NNT: variants seen among roughly 807,000 people sequenced by gnomAD.
NNT encodes the protein NAD(P) transhydrogenase, mitochondrial.
In NNT, 50 loss-of-function variants were observed where a neutral mutation model predicts 104.8. The observed-to-expected ratio is 0.48, with a 90% CI of 0.38 to 0.60. NNT has a LOEUF of 0.60. NNT is among the 20% of genes least tolerant of loss of function. The probability of loss-of-function intolerance (pLI) is 0.00; values close to 1 mark genes in which losing one functional copy is unlikely to be tolerated. For synonymous variants in NNT, 461 were observed against 490.4 expected, an observed-to-expected ratio of 0.94 and a Z score of 0.79; for missense variants, 1,131 against 1,330.7, an observed-to-expected ratio of 0.85 and a Z score of 2.33.
intron 17 of NNT, among the ~76,000 whole-genome samples, chr5:43,660,313 T>TA (rs1561299443): frequency 6.8e-6 from 1 of 148,012 alleles, no homozygotes; most frequent in Non-Finnish European, 1.5e-5. Flanking sequence ...TGATGGTTTT[T>TA]TAAAAGAACA....
chr5:43,631,447 TCTGACCTCTGAGAGG>T (rs1750672311), intron 7 of NNT, among the ~76,000 whole-genome samples: 1 of 152,168 alleles, frequency 6.6e-6, no homozygotes, highest in Admixed American at 6.5e-5. Flanking sequence ...GCAGCCACCA[TCTGACCTCTGAGAGG>T]CAGCTGCGCA....
At chr5:43,619,670 A>G (rs1749968007) in intron 5 of NNT, among the ~76,000 whole-genome samples, 1 of 152,198 alleles carries the variant, frequency 6.6e-6, no homozygotes, top group Non-Finnish European at 1.5e-5. Context: ...AGGAGGTCAT[A>G]TTGTGATCCT....
intron 9 of NNT, 117 bp downstream of exon 9, chr5:43,644,919 C>A: frequency 1.3e-6 from 1 of 740,984 alleles, no homozygotes; most frequent in Non-Finnish European, 2.1e-6. Flanking sequence ...TATTGGTATG[C>A]CAGCTTTATG....
At chr5:43,659,137 T>C in intron 16 of NNT, 34 bp from the exon 17 acceptor site, 2 of 1,520,912 alleles carry the variant, frequency 1.3e-6, no homozygotes, top group Non-Finnish European at 1.8e-6. Flanking sequence ...TTTTATGTTA[T>C]TAATTTTGAG....
At chr5:43,627,163 T>A (rs1750413773) in intron 6 of NNT, among the ~76,000 whole-genome samples, 1 of 152,202 alleles carries the variant, frequency 6.6e-6, no homozygotes, top group Non-Finnish European at 1.5e-5. Context: ...TAAGGCTGAT[T>A]CCACTTGTGG....
Position 43,700,241 on chromosome 5 carries a change from A to T in NNT, c.2995+4A>T. The T allele has an allele frequency of 1.3e-6, 2 of 1,597,560 alleles. No homozygotes were observed. Among genetic ancestry groups the T allele is most frequent in the Non-Finnish European group, 1.7e-6 (2 of 1,165,748 alleles). ...GAGATCAACCATGATTTTCCAGGTA[A>T]GTGGTGGGGGCAATTGTGAAGTTTA... is the stretch of plus-strand genomic sequence containing the variant. On this transcript the variant is annotated splice_donor_region_variant and intron_variant, in intron 20 of 21. Transcript: ENST00000344920.
In NNT at chr5:43,704,498, T is replaced by C. The variant is rs2112271157; in HGVS notation, c.*94T>C. The C allele has an allele frequency of 7.7e-7, 1 of 1,295,414 alleles. No homozygotes were observed. The highest frequency in any genetic ancestry group is 2.2e-5 in the Admixed American group (1 of 45,034). 80.2% of individuals were successfully genotyped at this position (1,295,414 alleles called of 1,614,324 possible). A position where few individuals can be genotyped will look rare whatever the true frequency, so the allele number is the denominator to read the frequency against. On this transcript the variant is annotated 3_prime_UTR_variant, in exon 22 of 22. Transcript: ENST00000344920. ...CAGTATACATGGTGATGTACATCTG[T>C]AGCAAAGCTCTTGGAGAAAATGAAG... is the stretch of plus-strand genomic sequence containing the variant.
intron 6 of NNT, among the ~76,000 whole-genome samples, chr5:43,627,561 T>G (rs1201357318): frequency 6.6e-6 from 1 of 152,156 alleles, no homozygotes; most frequent in Non-Finnish European, 1.5e-5. Context: ...ACTGAGGTGT[T>G]TGTTGGCTGT....
chr5:43,699,505 C>G (rs1383728563), intron 19 of NNT, among the ~76,000 whole-genome samples: 1 of 152,032 alleles, frequency 6.6e-6, no homozygotes, highest in African/African-American at 2.4e-5. Context: ...AGGTGCCCAC[C>G]ATCATGCCCG....
intron 6 of NNT, among the ~76,000 whole-genome samples, chr5:43,627,493 T>A (rs1750432298): frequency 6.6e-6 from 1 of 151,770 alleles, no homozygotes; most frequent in African/African-American, 2.4e-5. Flanking sequence ...ATTAGGGGGG[T>A]TTGAGATTTA....
In NNT at chr5:43,693,914, A is replaced by G. The variant is rs536391054; in HGVS notation, c.2877-6205A>G. ...GGGATGCTGGATTCCTTTTAAAATAATCTTAGAGTATTAATAGTTCATTCT... is the reference window on the plus strand; with the variant it reads ...GGGATGCTGGATTCCTTTTAAAATAGTCTTAGAGTATTAATAGTTCATTCT... On this transcript the variant is annotated intron_variant, in intron 19 of 21. Coordinates refer to ENST00000344920, the MANE Select transcript of NNT (RefSeq NM_182977.3). Among the ~76,000 whole-genome samples the G allele has an allele frequency of 5.9e-5, 9 of 152,350 alleles. No homozygotes were observed. The South Asian group carries it at 1.7e-3, about 28-fold the overall frequency.
At chr5:43,632,185 C>G (rs1750708897) in intron 7 of NNT, among the ~76,000 whole-genome samples, 1 of 152,148 alleles carries the variant, frequency 6.6e-6, no homozygotes, top group African/African-American at 2.4e-5. Flanking sequence ...ATGTCCTGAG[C>G]CTTTGCCTGG....
chr5:43,686,477 T>A (rs1741996965), intron 19 of NNT, among the ~76,000 whole-genome samples: 2 of 152,188 alleles, frequency 1.3e-5, no homozygotes, highest in Admixed American at 1.3e-4. Context: ...ACTATACAGT[T>A]TTTTAGTATT....
Position 43,700,173 on chromosome 5 carries a change from G to A in NNT, c.2931G>A (p.Leu977=). ...GRMPGQLNVL[L]AEAGVPYDIV... Reference sequence around the variant, plus strand: ...TGCCTGGTCAGCTTAATGTGCTGCTGGCTGAGGCTGGTGTGCCATATGACA... The same window carrying A: ...TGCCTGGTCAGCTTAATGTGCTGCTAGCTGAGGCTGGTGTGCCATATGACA... Residue 977 remains leucine (L), a synonymous_variant, in exon 20 of 22, where the codon CTG becomes CTA. Transcript: ENST00000344920. 6.2e-7 allele frequency: 1 copy of A among 1,613,820 alleles called. No individual in the cohort carries two copies. Among genetic ancestry groups the A allele is most frequent in the Non-Finnish European group, 8.5e-7 (1 of 1,179,840 alleles).
intron 19 of NNT, among the ~76,000 whole-genome samples, chr5:43,684,613 C>G (rs1741889136): frequency 6.6e-6 from 1 of 151,976 alleles, no homozygotes; most frequent in South Asian, 2.1e-4. Flanking sequence ...TAGCCCGACC[C>G]AGTTGGTCCA....
chr5:43,670,843 A>G (rs945942316), intron 17 of NNT, among the ~76,000 whole-genome samples: 1 of 152,006 alleles, frequency 6.6e-6, no homozygotes, highest in Non-Finnish European at 1.5e-5. Flanking sequence ...ATCCTTGTTA[A>G]CTTTCTGTCT....
At chr5:43,633,684 T>G (rs1750797659) in intron 7 of NNT, among the ~76,000 whole-genome samples, 1 of 152,192 alleles carries the variant, frequency 6.6e-6, no homozygotes, top group African/African-American at 2.4e-5. Flanking sequence ...TTGTACACAA[T>G]GGTGGCTTAG....
chr5:43,612,196 T>C (rs545841308), intron 2 of NNT, among the ~76,000 whole-genome samples: 1 of 152,374 alleles, frequency 6.6e-6, no homozygotes, highest in African/African-American at 2.4e-5. Context: ...TGTCCCTCTC[T>C]GTGGGTCTCC....
chr5:43,700,019 G>A, intron 19 of NNT, 100 bp from the exon 20 acceptor site: 1 of 806,238 alleles, frequency 1.2e-6, no homozygotes, highest in Non-Finnish European at 2.0e-6. Flanking sequence ...AAAAAGCAGA[G>A]GTGCCAAGAA....
Sources: allele counts gnomAD v4.1 joint callset (sites outside exome capture counted in the v4.1 genomes callset), GRCh38; gene constraint gnomAD v4.1.1; transcripts MANE v1.5; gene names NCBI Gene and HGNC (gene_info 2026-07-23, HGNC 2026-07-21).